The following PCDHA8 variants were observed in gnomAD, a reference collection of about 807,000 sequenced individuals.
PCDHA8 encodes the protein protocadherin alpha-8.
In PCDHA8, 53 loss-of-function variants were observed where a neutral mutation model predicts 61.8. The ratio of observed to expected loss-of-function variants is 0.86; its 90% CI spans 0.69 to 1.08. The LOEUF (loss-of-function observed/expected upper bound fraction) is 1.08, where lower values mean the gene tolerates loss of function less well. Among genes scored for constraint, PCDHA8 ranks in the 50% least tolerant of loss-of-function variants. PCDHA8 has a pLI of 0.00. For missense variants in PCDHA8, 1,293 were observed against 1,245.0 expected (o/e 1.04, Z -0.58); for synonymous variants, 618 against 556.6 (o/e 1.11, Z -1.55).
chr5:140,924,008 C>T lies in PCDHA8; in HGVS notation c.2395-54941C>T, dbSNP rs75028295. On this transcript the variant is annotated intron_variant, in intron 1 of 3. Coordinates refer to ENST00000531613, the MANE Select transcript of PCDHA8 (RefSeq NM_018911.3). ...TAGGTGCAGCTCAGAATTCCTAAAC[C>T]TGGTATAATTGGAGGCATGGCTGCA... 7.8e-3 allele frequency among the ~76,000 whole-genome samples: 1,191 copies of T among 152,262 alleles called. 21 individuals are homozygous for T. The highest frequency in any genetic ancestry group is 0.026 in the African/African-American group (1,098 of 41,552).
intron 1 of PCDHA8, among the ~76,000 whole-genome samples, chr5:140,949,282 T>C (rs1308331025): frequency 6.6e-6 from 1 of 151,850 alleles, no homozygotes; most frequent in African/African-American, 2.4e-5. Flanking sequence ...GAAAAGAATG[T>C]ATATTCTGTA....
chr5:140,901,092 T>C (rs1374524038), intron 1 of PCDHA8, among the ~76,000 whole-genome samples: 5 of 152,228 alleles, frequency 3.3e-5, no homozygotes, highest in African/African-American at 1.2e-4. Context: ...TTGAGCTCCT[T>C]CTACATTCTG....
chr5:140,933,032 G>A (rs1425582468), intron 1 of PCDHA8, among the ~76,000 whole-genome samples: 1 of 152,016 alleles, frequency 6.6e-6, no homozygotes, highest in Non-Finnish European at 1.5e-5. Flanking sequence ...AGAACTTCAA[G>A]TGAATATGGA....
At chr5:141,006,215 TA>T (rs200576602) in intron 3 of PCDHA8, among the ~76,000 whole-genome samples, 4 of 151,640 alleles carry the variant, frequency 2.6e-5, no homozygotes, top group South Asian at 2.1e-4. Flanking sequence ...CATTTTTTTT[TA>T]AATTTTTTAT....
intron 1 of PCDHA8, among the ~76,000 whole-genome samples, chr5:140,896,328 A>G (rs1157543991): frequency 6.6e-6 from 1 of 152,138 alleles, no homozygotes; most frequent in Non-Finnish European, 1.5e-5. Flanking sequence ...CACAGTGGCT[A>G]AACTAATTTA....
At chr5:140,964,266 A>G (rs1408040035) in intron 1 of PCDHA8, among the ~76,000 whole-genome samples, 1 of 152,230 alleles carries the variant, frequency 6.6e-6, no homozygotes, top group Admixed American at 6.5e-5. Context: ...CTCCTTAATA[A>G]TTAAGGCAGT....
intron 1 of PCDHA8, among the ~76,000 whole-genome samples, chr5:140,843,972 G>T (rs1779162813): frequency 6.7e-6 from 1 of 149,122 alleles, no homozygotes; most frequent in Non-Finnish European, 1.5e-5. Flanking sequence ...ATTTATTTTG[G>T]CCTGCCTTAC....
chr5:140,843,328 G>T lies in PCDHA8; in HGVS notation c.2007G>T (p.Leu669=), dbSNP rs2150357585. Residue 669 remains leucine (L), a synonymous_variant, in exon 1 of 4, where the codon CTG becomes CTT. Coordinates refer to ENST00000531613, the MANE Select transcript of PCDHA8 (RefSeq NM_018911.3). ...CCACGGCCACGGTTCTGGTGTCGCT[G>T]GTGGAGAGCGGCCAGGCTCCAAAAG... ...LTATATVLVS[L]VESGQAPKAS... is the part of the protein sequence containing the mutation. 18 of 1,595,922 alleles carry T rather than the reference G, an allele frequency of 1.1e-5. 1 individual carries two copies. The South Asian group carries it at 1.7e-4, about 15-fold the overall frequency.
chr5:140,899,123 A>T (rs1190536862), intron 1 of PCDHA8, among the ~76,000 whole-genome samples: 6 of 152,240 alleles, frequency 3.9e-5, no homozygotes, highest in Non-Finnish European at 7.3e-5. Flanking sequence ...ATATACAATC[A>T]TGTCTTCTGC....
In PCDHA8 at chr5:140,842,604, G is replaced by A. The variant is rs1254196927; in HGVS notation, c.1283G>A (p.Arg428Gln). 5 of 1,550,084 alleles carry A rather than the reference G, an allele frequency of 3.2e-6. No homozygotes were observed. The highest frequency in any genetic ancestry group is 1.1e-5 in the South Asian group (1 of 89,394). ...VSAYELVVTA[R>Q]DGGSPSLWAT... The stretch of plus-strand genomic sequence containing the variant: ...GCCTATGAGTTGGTGGTAACCGCGC[G>A]GGACGGGGGCTCGCCTTCGCTGTGG... Residue 428 changes from arginine to glutamine, a missense_variant, in exon 1 of 4, where the codon CGG becomes CAG. Physicochemically the swap from Arg to Gln is conservative, Grantham distance 43 (BLOSUM62 1). Coordinates refer to ENST00000531613, the MANE Select transcript of PCDHA8 (RefSeq NM_018911.3).
intron 3 of PCDHA8, among the ~76,000 whole-genome samples, chr5:140,984,016 T>G (rs2153832874): frequency 6.6e-6 from 1 of 152,280 alleles, no homozygotes; most frequent in Non-Finnish European, 1.5e-5. Context: ...TATTGCCAGA[T>G]TGCAAGGGGA....
chr5:140,976,550 CATAA>C (rs782672542), intron 1 of PCDHA8, among the ~76,000 whole-genome samples: 4 of 151,944 alleles, frequency 2.6e-5, no homozygotes, highest in South Asian at 2.1e-4. Flanking sequence ...GACCCTATCT[CATAA>C]ATAAATAAAT....
intron 1 of PCDHA8, chr5:140,855,742 T>C (rs1239874184): frequency 3.2e-6 from 1 of 313,712 alleles, no homozygotes; most frequent in Admixed American, 4.7e-5. Flanking sequence ...AGAGACGTAA[T>C]GTGAGGCTTT....
chr5:140,851,821 C>G, intron 1 of PCDHA8: 1 of 958,244 alleles, frequency 1.0e-6, no homozygotes, highest in Non-Finnish European at 1.3e-6. Context: ...AGACAGAAAT[C>G]TGTTTTTTTA....
intron 1 of PCDHA8, among the ~76,000 whole-genome samples, chr5:140,939,496 T>C (rs1056805885): frequency 4.6e-5 from 7 of 150,952 alleles, no homozygotes; most frequent in African/African-American, 1.5e-4. Context: ...AATTATAAAT[T>C]CAATGTCTAT....
chr5:140,884,314 G>A, intron 1 of PCDHA8: 1 of 1,613,760 alleles, frequency 6.2e-7, no homozygotes, highest in Non-Finnish European at 8.5e-7. Context: ...CGTCGAGGGC[G>A]TCGGCAGGCG....
At chr5:140,893,762 T>A (rs1337056301) in intron 1 of PCDHA8, among the ~76,000 whole-genome samples, 1 of 152,196 alleles carries the variant, frequency 6.6e-6, no homozygotes, top group Non-Finnish European at 1.5e-5. Context: ...TATAGGTGAC[T>A]TGTCACTTTT....
intron 1 of PCDHA8, among the ~76,000 whole-genome samples, chr5:140,855,480 A>T (rs567213059): frequency 4.7e-5 from 7 of 150,092 alleles, no homozygotes; most frequent in Middle Eastern, 6.8e-3. Context: ...GATGCTTGAC[A>T]TTAGTGTCTA....
chr5:140,967,749 C>G (rs1554229896), intron 1 of PCDHA8: 1 of 1,614,172 alleles, frequency 6.2e-7, no homozygotes, highest in Non-Finnish European at 8.5e-7. Context: ...TATGAGGAAG[C>G]CTCCTCCTAC....
Sources: allele counts gnomAD v4.1 joint callset (sites outside exome capture counted in the v4.1 genomes callset), GRCh38; gene constraint gnomAD v4.1.1; transcripts MANE v1.5; gene names NCBI Gene and HGNC (gene_info 2026-07-23, HGNC 2026-07-21).